Variants in ZNF28 observed in about 807,000 individuals in gnomAD.
The protein encoded by ZNF28 is zinc finger protein KOX24.
Under a neutral mutation model 7.2 loss-of-function variants are expected in ZNF28, and 5 were observed. The ratio of observed to expected loss-of-function variants is 0.70; its 90% CI spans 0.36 to 1.46. ZNF28 has a LOEUF of 1.46. Ranked by LOEUF, ZNF28 falls within the 40% of genes most tolerant of loss-of-function variation. The probability of loss-of-function intolerance (pLI) is 0.03; values close to 1 mark genes in which losing one functional copy is unlikely to be tolerated. For synonymous variants in ZNF28, 288 were observed against 292.4 expected, an observed-to-expected ratio of 0.99 and a Z score of 0.15; for missense variants, 879 against 866.6, an observed-to-expected ratio of 1.01 and a Z score of -0.18.
Position 52,801,477 on chromosome 19 carries a change from G to A in ZNF28, c.368C>T (p.Thr123Ile), listed in dbSNP as rs772897192. Residue 123 changes from threonine to isoleucine, a missense_variant, in exon 4 of 4, where the codon ACA (threonine) becomes ATA (isoleucine). Thr to Ile is a moderately conservative substitution (Grantham distance 89, BLOSUM62 -1). This residue lies in a region of ZNF28 where 864 missense variants were observed against 830.2 expected (regional missense o/e 1.04). Transcript: ENST00000457749. ...AGCATGCCTTTGATCATGTTGGCCT[G>A]TACTACCAGTCAACTCTTTGATTTC... ...MTEIKELTGS[T>I]GQHDQRHAGN... 6 of 1,614,118 alleles carry A rather than the reference G, an allele frequency of 3.7e-6. No homozygotes were observed. Among genetic ancestry groups the A allele is most frequent in the Non-Finnish European group, 5.1e-6 (6 of 1,179,978 alleles).
At chr19:52,820,843 T>C (rs2147700972) in intron 1 of ZNF28, among the ~76,000 whole-genome samples, 1 of 152,242 alleles carries the variant, frequency 6.6e-6, no homozygotes. Flanking sequence ...CTTTGCCATC[T>C]GTTATGGGTC....
chr19:52,815,448 T>C (rs1449020645), intron 2 of ZNF28, among the ~76,000 whole-genome samples: 7 of 140,658 alleles, frequency 5.0e-5, no homozygotes, highest in African/African-American at 1.4e-4. Flanking sequence ...ACCCGGGAGG[T>C]AGAGGTTGCA....
At chr19:52,812,538 G>A (rs1001315391) in intron 2 of ZNF28, among the ~76,000 whole-genome samples, 3 of 125,332 alleles carry the variant, frequency 2.4e-5, no homozygotes, top group East Asian at 2.0e-4. Context: ...GGTGCAAGAT[G>A]TGCTTTGTTA....
Position 52,812,787 on chromosome 19 carries a change from A to AAAAAG in ZNF28, c.16-4655_16-4654insCTTTT, listed in dbSNP as rs1462866089. ...TAAAAAAAAAAAAAAAAAAAAAAAA[A>AAAAAG]GTTTTAAGTGTGCTGTGTAGAGAGT... On this transcript the variant is annotated intron_variant, in intron 2 of 3. Coordinates refer to ENST00000457749, the MANE Select transcript of ZNF28 (RefSeq NM_006969.5). 3.6e-3 allele frequency among the ~76,000 whole-genome samples: 465 copies of AAAAAG among 130,800 alleles called. 4 individuals carry two copies. Among genetic ancestry groups the AAAAAG allele is most frequent in the African/African-American group, 0.012 (441 of 36,028 alleles). 85.8% of individuals were successfully genotyped at this position (130,800 alleles called of 152,430 possible). A position where few individuals can be genotyped will look rare whatever the true frequency, so the allele number is the denominator to read the frequency against.
chr19:52,800,915 G>A lies in ZNF28; in HGVS notation c.930C>T (p.Arg310=). Residue 310 remains arginine (R), a synonymous_variant, in exon 4 of 4, where the codon CGC becomes CGT. Transcript: ENST00000457749. ...ECEECDKVFS[R]KSHLETHKII... ...TCTTATGTGTTTCAAGGTGTGATTTGCGACTGAAAACTTTGTCACATTCTT... is the reference window on the plus strand; with the variant it reads ...TCTTATGTGTTTCAAGGTGTGATTTACGACTGAAAACTTTGTCACATTCTT... The A allele has an allele frequency of 6.2e-7, 1 of 1,614,066 alleles. No homozygotes were observed. Among genetic ancestry groups the A allele is most frequent in the Non-Finnish European group, 8.5e-7 (1 of 1,179,990 alleles).
In ZNF28 at chr19:52,800,709, C is replaced by T; in HGVS notation, c.1136G>A (p.Gly379Glu). The change falls in exon 4 of 4, where the codon GGA (glycine) becomes GAA (glutamate). Residue 379 changes from glycine to glutamate, a missense_variant. Physicochemically the swap from Gly to Glu is moderately conservative, Grantham distance 98 (BLOSUM62 -2). This residue lies in a region of ZNF28 where 864 missense variants were observed against 830.2 expected (regional missense o/e 1.04). Coordinates refer to ENST00000457749, the MANE Select transcript of ZNF28 (RefSeq NM_006969.5). ...TLARHRRLHTGEKPYECEECE... is the reference protein window; with the variant it reads ...TLARHRRLHTEEKPYECEECE... Reference sequence around the variant, plus strand: ...TTCTTCACATTCATAAGGTTTCTCTCCAGTATGAAGCCTACGATGGCGTGC... The same window carrying T: ...TTCTTCACATTCATAAGGTTTCTCTTCAGTATGAAGCCTACGATGGCGTGC... The T allele has an allele frequency of 6.2e-7, 1 of 1,607,350 alleles. No homozygotes were observed. The highest frequency in any genetic ancestry group is 8.5e-7 in the Non-Finnish European group (1 of 1,178,026).
In ZNF28 at chr19:52,813,782, C is replaced by A. The variant is rs2063086790; in HGVS notation, c.15+4162G>T. 1.4e-5 allele frequency among the ~76,000 whole-genome samples: 2 copies of A among 146,698 alleles called. 1 individual carries two copies. The highest frequency in any genetic ancestry group is 5.3e-5 in the African/African-American group (2 of 37,836). On this transcript the variant is annotated intron_variant, in intron 2 of 3. Transcript: ENST00000457749. ...AGCTCCACTGTAAATTCCCCTTCCC[C>A]ATGGGGAAATGCACTACCTTGTTTT...
chr19:52,805,818 T>C (rs1282464739), intron 3 of ZNF28: 2 of 151,668 alleles, frequency 1.3e-5, no homozygotes, highest in Non-Finnish European at 2.9e-5. Context: ...CAGTCTCTAC[T>C]AAAAATACAA....
chr19:52,809,871 G>A (rs1420897795), intron 2 of ZNF28: 2 of 683,252 alleles, frequency 2.9e-6, no homozygotes, highest in Admixed American at 4.9e-5. Flanking sequence ...TGGGCCTGCG[G>A]GCGGTCCGGG....
chr19:52,811,939 C>T (rs1381259648), intron 2 of ZNF28, among the ~76,000 whole-genome samples: 11 of 75,774 alleles, frequency 1.5e-4, no homozygotes, highest in East Asian at 3.3e-4. Flanking sequence ...AGGTGAGGGG[C>T]GCCTCTGCCC....
chr19:52,814,774 T>C (rs56808067), intron 2 of ZNF28, among the ~76,000 whole-genome samples: 14,581 of 144,438 alleles, frequency 0.1, 2,899 homozygotes, highest in African/African-American at 0.27. Context: ...GTATTCCCAG[T>C]TACTCAGGAG....
At chr19:52,810,890 C>T (rs1443673955) in intron 2 of ZNF28, among the ~76,000 whole-genome samples, 2 of 15,184 alleles carry the variant, frequency 1.3e-4, no homozygotes, top group African/African-American at 5.2e-4. Context: ...CCTCCCCCTC[C>T]CCCTCCCCCT....
chr19:52,810,768 T>TTAA (rs1555805983), intron 2 of ZNF28: 9 of 437,306 alleles, frequency 2.1e-5, no homozygotes, highest in Admixed American at 1.3e-4. Context: ...AAAAAAAGAA[T>TTAA]AAAAAAAAAC....
At position 52,801,333 on chromosome 19, in the gene ZNF28, G is replaced by A. The variant is rs2062867503; in HGVS notation, c.512C>T (p.Ala171Val). 1 of 1,614,142 alleles carries A rather than the reference G, an allele frequency of 6.2e-7. No individual in the cohort carries two copies. Among genetic ancestry groups the A allele is most frequent in the Non-Finnish European group, 8.5e-7 (1 of 1,180,024 alleles). The change falls in exon 4 of 4, where the codon GCT becomes GTT. Residue 171 changes from alanine (A) to valine (V), a missense_variant. Ala to Val is a moderately conservative substitution (Grantham distance 64, BLOSUM62 0). This residue lies in a region of ZNF28 where 864 missense variants were observed against 830.2 expected (regional missense o/e 1.04). Transcript: ENST00000457749. ...TCTTTGGGATGTTGAAACTGAGGAA[G>A]CATTGTTGATAGACTTCTCAACTTG... Reference protein sequence around the residue: ...GNQVEKSINNASSVSTSQRIC... With the variant: ...GNQVEKSINNVSSVSTSQRIC...
chr19:52,803,956 C>CA (rs1414955684), intron 3 of ZNF28, among the ~76,000 whole-genome samples: 3 of 151,924 alleles, frequency 2.0e-5, no homozygotes, highest in Admixed American at 1.3e-4. Flanking sequence ...GACTCCATCT[C>CA]AAAAAAATAA....
Position 52,819,574 on chromosome 19 carries a change from G to A in ZNF28, c.-73-1543C>T, listed in dbSNP as rs1310933358. ...TGGTCTAGCCCCTCATCTCCAAGTT[G>A]CAGGGGAGGCTCACTGGGGCTCAGA... is the stretch of plus-strand genomic sequence containing the variant. On this transcript the variant is annotated intron_variant, in intron 1 of 3. Transcript: ENST00000457749. 6.7e-4 allele frequency among the ~76,000 whole-genome samples: 37 copies of A among 55,258 alleles called. 13 individuals are homozygous for A. Among genetic ancestry groups the A allele is most frequent in the African/African-American group, 2.1e-3 (33 of 15,974 alleles). 36.3% of individuals were successfully genotyped at this position (55,258 alleles called of 152,430 possible).
At chr19:52,809,463 C>G (rs2062984018) in intron 2 of ZNF28, among the ~76,000 whole-genome samples, 2 of 152,100 alleles carry the variant, frequency 1.3e-5, no homozygotes, top group Non-Finnish European at 2.9e-5. Flanking sequence ...AAAATAGACA[C>G]TGGCGTCTAC....
chr19:52,812,603 C>G (rs1192899060), intron 2 of ZNF28, among the ~76,000 whole-genome samples: 1 of 128,910 alleles, frequency 7.8e-6, no homozygotes, highest in Non-Finnish European at 1.6e-5. Flanking sequence ...TCCCTAATCT[C>G]AAGTACCCAG....
intron 2 of ZNF28, among the ~76,000 whole-genome samples, chr19:52,814,589 C>T (rs1417871685): frequency 7.3e-6 from 1 of 137,314 alleles, no homozygotes; most frequent in East Asian, 2.1e-4. Context: ...GACTTTGTCT[C>T]AAAAAGAAAA....
Sources: gnomAD v4.1 joint callset for allele counts (sites outside exome capture counted in the v4.1 genomes callset) on GRCh38, gnomAD v4.1.1 for gene constraint, gnomAD v4.1.1 regional missense constraint, MANE v1.5 for transcripts, NCBI Gene and HGNC (gene_info 2026-07-23, HGNC 2026-07-21) for gene names.